RIMBP2: variants seen among roughly 807,000 people sequenced by gnomAD.
RIMBP2 encodes the protein RIMS-binding protein 2.
Under a neutral mutation model 118.6 loss-of-function variants are expected in RIMBP2, and 48 were observed. That is an observed-to-expected ratio of 0.40 (90% CI 0.32 to 0.51). RIMBP2 has a LOEUF of 0.51. Ranked by LOEUF, RIMBP2 falls within the 20% of genes least tolerant of loss-of-function variation. RIMBP2 has a pLI of 0.41. For missense variants in RIMBP2, 1,551 were observed against 1,768.3 expected, an observed-to-expected ratio of 0.88 and a Z score of 2.20; for synonymous variants, 762 against 742.9, an observed-to-expected ratio of 1.03 and a Z score of -0.42.
rs919927284 is a variant in RIMBP2, at chr12:130,475,760, G to A, written c.102+3152C>T. The stretch of plus-strand genomic sequence containing the variant: ...GTAAGACAACAAGCAAACAAAAAAG[G>A]CAATTAACTCCAGGGAAAGGAAGAG... On this transcript the variant is annotated intron_variant, in intron 5 of 22. Coordinates refer to ENST00000690449, the MANE Select transcript of RIMBP2 (RefSeq NM_001393629.1). The surrounding 1 kb of genome is among the most constrained non-coding windows in gnomAD (Gnocchi z 4.1). 7.2e-5 allele frequency among the ~76,000 whole-genome samples: 11 copies of A among 152,108 alleles called. No homozygotes were observed. The highest frequency in any genetic ancestry group is 2.4e-4 in the African/African-American group (10 of 41,422).
chr12:130,587,823 G>C (rs1169545534), intron 2 of RIMBP2, among the ~76,000 whole-genome samples: 6 of 126,610 alleles, frequency 4.7e-5, no homozygotes, highest in Non-Finnish European at 8.1e-5. Context: ...AAAACTTAAA[G>C]TATAATAAAA....
chr12:130,564,716 G>A (rs1477309866), intron 2 of RIMBP2, among the ~76,000 whole-genome samples: 1 of 152,202 alleles, frequency 6.6e-6, no homozygotes, highest in Non-Finnish European at 1.5e-5. Context: ...AGTTAACAGG[G>A]GATGTAAGAG....
intron 2 of RIMBP2, among the ~76,000 whole-genome samples, chr12:130,555,577 G>T (rs548894678): frequency 2.7e-4 from 41 of 152,164 alleles, no homozygotes; most frequent in Non-Finnish European, 5.1e-4. Flanking sequence ...AGTGACAAAA[G>T]TGTAGATACA....
intron 11 of RIMBP2, among the ~76,000 whole-genome samples, chr12:130,439,610 T>A (rs1267732077): frequency 4.4e-4 from 48 of 108,476 alleles, no homozygotes; most frequent in Non-Finnish European, 8.2e-4. Context: ...TGTGTTTTTG[T>A]GTATGTGGGT....
At chr12:130,615,248 A>AATTATGTAT (rs151067130) in intron 2 of RIMBP2, among the ~76,000 whole-genome samples, 1 of 132,860 alleles carries the variant, frequency 7.5e-6, no homozygotes, top group African/African-American at 2.8e-5. Context: ...ATGTACACAT[A>AATTATGTAT]ATTATGTATA....
At chr12:130,596,964 T>A (rs1292035108) in intron 2 of RIMBP2, among the ~76,000 whole-genome samples, 5 of 152,228 alleles carry the variant, frequency 3.3e-5, no homozygotes, top group Non-Finnish European at 4.4e-5. Context: ...AAAGCCTTCA[T>A]ACAAAGAAAA....
intron 1 of RIMBP2, among the ~76,000 whole-genome samples, chr12:130,714,360 T>TCCACCACCCACGC (rs1194649947): frequency 6.6e-6 from 1 of 152,212 alleles, no homozygotes; most frequent in East Asian, 1.9e-4. Flanking sequence ...GGGAGGCTTC[T>TCCACCACCCACGC]CCACCACCCA....
At chr12:130,445,915 T>G (rs2078479801) in intron 9 of RIMBP2, among the ~76,000 whole-genome samples, 2 of 152,184 alleles carry the variant, frequency 1.3e-5, no homozygotes, top group African/African-American at 4.8e-5. Context: ...TTCCTAATGA[T>G]AAATCCTAGG....
chr12:130,567,551 AG>A (rs2057315146), intron 2 of RIMBP2, among the ~76,000 whole-genome samples: 1 of 152,084 alleles, frequency 6.6e-6, no homozygotes, highest in Non-Finnish European at 1.5e-5. Context: ...GGGAGGAGGG[AG>A]GGTCCCTGAG....
chr12:130,545,374 T>C lies in RIMBP2; in HGVS notation c.-216-27457A>G, dbSNP rs146936773. The stretch of plus-strand genomic sequence containing the variant: ...TAAAGCAGACACCAGATTTTCAAGA[T>C]TCAATGCCAAAAAAATGTAAAATAA... On this transcript the variant is annotated intron_variant, in intron 2 of 22. Transcript: ENST00000690449. Among the ~76,000 whole-genome samples the C allele has an allele frequency of 9.8e-4, 149 of 152,048 alleles. 1 individual carries two copies. The highest frequency in any genetic ancestry group is 3.5e-3 in the African/African-American group (144 of 41,478).
At chr12:130,448,812 C>T (rs61578819) in intron 9 of RIMBP2, among the ~76,000 whole-genome samples, 1 of 152,204 alleles carries the variant, frequency 6.6e-6, no homozygotes, top group South Asian at 2.1e-4. Flanking sequence ...GGGCATCTAC[C>T]CCAGTGCTTC....
chr12:130,554,941 T>C (rs1203777671), intron 2 of RIMBP2, among the ~76,000 whole-genome samples: 1 of 152,246 alleles, frequency 6.6e-6, no homozygotes, highest in East Asian at 1.9e-4. Context: ...AAAGGCAACG[T>C]TGAACAGCAT....
intron 2 of RIMBP2, among the ~76,000 whole-genome samples, chr12:130,528,848 T>C (rs907478778): frequency 6.6e-6 from 1 of 152,184 alleles, no homozygotes; most frequent in Non-Finnish European, 1.5e-5. Flanking sequence ...CCCTCATATA[T>C]TTCCAGTGGA....
chr12:130,397,720 C>G (rs1199546092), intron 22 of RIMBP2, 171 bp from the exon 23 acceptor site: 11 of 387,280 alleles, frequency 2.8e-5, no homozygotes, highest in Non-Finnish European at 3.6e-5. Context: ...CACAGCACGC[C>G]AGAGAGAGGC....
intron 2 of RIMBP2, among the ~76,000 whole-genome samples, chr12:130,518,291 G>A (rs2051694375): frequency 6.6e-6 from 1 of 152,168 alleles, no homozygotes; most frequent in Admixed American, 6.5e-5. Context: ...ACAATAGACA[G>A]AGAAAGTTTA....
chr12:130,405,457 C>G (rs1306247245), intron 21 of RIMBP2, among the ~76,000 whole-genome samples: 3 of 152,118 alleles, frequency 2.0e-5, no homozygotes, highest in African/African-American at 7.2e-5. Context: ...AAGGTGGGGA[C>G]CCCCACTGGG....
intron 2 of RIMBP2, among the ~76,000 whole-genome samples, chr12:130,538,401 T>C (rs879428201): frequency 2.0e-5 from 3 of 152,070 alleles, no homozygotes; most frequent in Non-Finnish European, 4.4e-5. Flanking sequence ...CCTTACTCAT[T>C]TCTGGGATCC....
At chr12:130,429,661 T>A (rs1056393734) in intron 14 of RIMBP2, 1 of 152,048 alleles carries the variant, frequency 6.6e-6, no homozygotes, top group African/African-American at 2.4e-5. Context: ...AAAAATCTGG[T>A]TTCAATTCCT....
chr12:130,464,312 G>A (rs1364071054), intron 6 of RIMBP2, among the ~76,000 whole-genome samples: 1 of 152,164 alleles, frequency 6.6e-6, no homozygotes, highest in African/African-American at 2.4e-5. Flanking sequence ...GGTAACATTA[G>A]GAAAATTTGG....
Sources: gnomAD v4.1 joint callset for allele counts (sites outside exome capture counted in the v4.1 genomes callset) on GRCh38, gnomAD v4.1.1 for gene constraint, Gnocchi (gnomAD v3.1) non-coding constraint, MANE v1.5 for transcripts, NCBI Gene and HGNC (gene_info 2026-07-23, HGNC 2026-07-21) for gene names.